EML1: variants seen among roughly 807,000 people sequenced by gnomAD.
EML1 encodes EMAP like 1, also known as echinoderm microtubule-associated protein-like 1.
A neutral mutation model predicts 110.4 loss-of-function variants in EML1; 27 were observed. The observed-to-expected ratio is 0.24, with a 90% CI of 0.18 to 0.34. EML1 has a LOEUF of 0.34. EML1 is among the 10% of genes least tolerant of loss of function. The pLI, the probability that EML1 is intolerant of heterozygous loss-of-function variation, is 1.00. For synonymous variants in EML1, 344 were observed against 385.8 expected (o/e 0.89, Z 1.27); for missense variants, 741 against 1,030.9 (o/e 0.72, Z 3.85).
chr14:99,773,245 A>C (rs1176911989), exon 1 of EML1: 1 of 152,240 alleles, frequency 6.6e-6, no homozygotes, highest in East Asian at 1.9e-4. Context: ...CATTTCATAA[A>C]AGCAAGGCTA....
chr14:99,908,560 G>A lies in EML1; in HGVS notation c.1105-785G>A, dbSNP rs564377370. Among the ~76,000 whole-genome samples the A allele has an allele frequency of 5.3e-5, 8 of 152,282 alleles. No homozygotes were observed. In the East Asian group the frequency reaches 9.7e-4, roughly 18 times the overall value. ...CAGGTGTTTAAGTTCTTCTTGCTAC[G>A]TTGCTAGGTTAGAAGGCATCAGAGG... On this transcript the variant is annotated intron_variant, in intron 10 of 21. Transcript: ENST00000262233.
chr14:99,903,200 G>C (rs1366088528), intron 9 of EML1, among the ~76,000 whole-genome samples: 1 of 152,104 alleles, frequency 6.6e-6, no homozygotes, highest in African/African-American at 2.4e-5. Flanking sequence ...AAAAGCAAAG[G>C]ATCAGCAACA....
rs185380778 is a variant in EML1 at position 99,829,498 on chromosome 14, C to A, written c.68-21355C>A. 9.0e-4 allele frequency among the ~76,000 whole-genome samples: 137 copies of A among 152,264 alleles called. 1 individual carries two copies. The highest frequency in any genetic ancestry group is 3.1e-3 in the African/African-American group (127 of 41,554). ...TATGTAACAAAATTTGTGATTTTAA[C>A]CATTTTAAATGTATAAATTCAGTGA... On this transcript the variant is annotated intron_variant, in intron 1 of 21. Transcript: ENST00000262233.
At chr14:99,763,956 G>A (rs886959243) in intron 1 of EML1, among the ~76,000 whole-genome samples, 7 of 152,302 alleles carry the variant, frequency 4.6e-5, no homozygotes, top group African/African-American at 1.4e-4. Context: ...TCTTTGGAAG[G>A]CAGCTGGGGG....
chr14:99,805,055 C>T (rs774092509), intron 1 of EML1, among the ~76,000 whole-genome samples: 5 of 152,164 alleles, frequency 3.3e-5, no homozygotes, highest in South Asian at 4.1e-4. Context: ...CCCTTCTTCA[C>T]GGAGCCGCTC....
intron 1 of EML1, among the ~76,000 whole-genome samples, chr14:99,815,972 C>T (rs902891962): frequency 2.0e-5 from 3 of 152,144 alleles, no homozygotes; most frequent in African/African-American, 7.2e-5. Flanking sequence ...ACTTCAGTTA[C>T]GGCAGCTGCT....
rs141429302 is a variant in EML1 at position 99,897,687 on chromosome 14, A to G, written c.827+393A>G. 7.0e-4 allele frequency among the ~76,000 whole-genome samples: 106 copies of G among 152,350 alleles called. No homozygotes were observed. The East Asian group carries it at 0.02, about 28-fold the overall frequency. ...TGGAGGCCTTCTTAACACATCATGT[A>G]TTAAAGGCTTCTAATTTGGGTCTTT... is the stretch of plus-strand genomic sequence containing the variant. On this transcript the variant is annotated intron_variant, in intron 7 of 21. Transcript: ENST00000262233.
At chr14:99,806,538 A>G (rs2057979556) in intron 1 of EML1, among the ~76,000 whole-genome samples, 1 of 151,768 alleles carries the variant, frequency 6.6e-6, no homozygotes. Context: ...CTGGTCTCGA[A>G]CTCCCAACCT....
chr14:99,904,721 G>A (rs2059815398), intron 9 of EML1, among the ~76,000 whole-genome samples: 1 of 152,168 alleles, frequency 6.6e-6, no homozygotes, highest in African/African-American at 2.4e-5. Context: ...ACTGCCACGT[G>A]TTACAAGGTC....
chr14:99,859,705 G>A (rs993113262), intron 2 of EML1, among the ~76,000 whole-genome samples: 1 of 152,124 alleles, frequency 6.6e-6, no homozygotes, highest in Non-Finnish European at 1.5e-5. Context: ...GGCTGGTTTT[G>A]GGGGAGAATG....
chr14:99,923,564 G>T (rs2060168341), intron 17 of EML1, among the ~76,000 whole-genome samples: 1 of 152,236 alleles, frequency 6.6e-6, no homozygotes, highest in African/African-American at 2.4e-5. Context: ...TTTCCCTGTT[G>T]AATTATCAAT....
At chr14:99,805,456 T>C (rs1028459532) in intron 1 of EML1, among the ~76,000 whole-genome samples, 2 of 152,182 alleles carry the variant, frequency 1.3e-5, no homozygotes, top group African/African-American at 4.8e-5. Context: ...TATTTACTTA[T>C]TCTCTTTCTT....
At chr14:99,747,073 A>G (rs1264820415) in intron 1 of EML1, among the ~76,000 whole-genome samples, 1 of 151,670 alleles carries the variant, frequency 6.6e-6, no homozygotes, top group East Asian at 1.9e-4. Flanking sequence ...CTGTAGTCCC[A>G]GCTACTCAGA....
At chr14:99,787,854 C>T (rs550505104) in intron 1 of EML1, among the ~76,000 whole-genome samples, 2 of 152,102 alleles carry the variant, frequency 1.3e-5, no homozygotes, top group Non-Finnish European at 2.9e-5. Flanking sequence ...ATATTGGATT[C>T]GGGCCCAGCC....
intron 1 of EML1, among the ~76,000 whole-genome samples, chr14:99,822,682 T>G (rs1165200248): frequency 2.0e-5 from 3 of 152,156 alleles, no homozygotes; most frequent in Non-Finnish European, 2.9e-5. Context: ...GCAGAGCCAG[T>G]GATTGTGCCA....
chr14:99,865,557 C>A lies in EML1; in HGVS notation c.294C>A (p.Asn98Lys). The change falls in exon 3 of 22, where the codon AAC (asparagine) becomes AAA (lysine). Residue 98 changes from asparagine to lysine, a missense_variant. Asn to Lys is a moderately conservative substitution (Grantham distance 94). Around this residue, in one of 4 missense-constraint regions of EML1, gnomAD observed 226 missense variants for 255.6 expected, o/e 0.88. Coordinates refer to ENST00000262233, the MANE Select transcript of EML1 (RefSeq NM_004434.3). ...MQTLPLRTTV[N>K]NGTVLPKKPT... ...CCCTGCCTTTAAGAACCACGGTCAA[C>A]AATGGCACTGTGTTACCAAAGAAAC... The A allele has an allele frequency of 6.2e-7, 1 of 1,614,210 alleles. No homozygotes were observed. Among genetic ancestry groups the A allele is most frequent in the Non-Finnish European group, 8.5e-7 (1 of 1,180,034 alleles).
chr14:99,790,866 C>CTTTTTTTTTTTTT (rs58349128), upstream of EML1, among the ~76,000 whole-genome samples: 5 of 142,680 alleles, frequency 3.5e-5, no homozygotes, highest in African/African-American at 5.3e-5. Context: ...TTTTCTTTTC[C>CTTTTTTTTTTTTT]TTTTTTTTTG....
In EML1 at chr14:99,836,126, T is replaced by C. The variant is rs111459299; in HGVS notation, c.68-14727T>C. ...AATCTGTAGATCAAATTGAGAAGAATTGGCATCATAACAGTAATGAGTTTT... is the reference window on the plus strand; with the variant it reads ...AATCTGTAGATCAAATTGAGAAGAACTGGCATCATAACAGTAATGAGTTTT... On this transcript the variant is annotated intron_variant, in intron 1 of 21. Transcript: ENST00000262233. Among the ~76,000 whole-genome samples, 490 of 152,352 alleles carry C rather than the reference T, an allele frequency of 3.2e-3. 10 individuals carry two copies. The highest frequency in any genetic ancestry group is 0.011 in the African/African-American group (456 of 41,580).
chr14:99,744,793 A>C (rs1350969635), intron 1 of EML1, among the ~76,000 whole-genome samples: 4 of 152,264 alleles, frequency 2.6e-5, no homozygotes, highest in Non-Finnish European at 4.4e-5. Context: ...CATAACCAAG[A>C]AAAACCTTAG....
Sources: allele counts gnomAD v4.1 joint callset (sites outside exome capture counted in the v4.1 genomes callset), GRCh38; gene constraint gnomAD v4.1.1; regional missense constraint gnomAD v4.1.1; transcripts MANE v1.5; gene names NCBI Gene and HGNC (gene_info 2026-07-23, HGNC 2026-07-21).